Variants in MALRD1 observed in about 807,000 individuals in gnomAD.
MALRD1 encodes MAM and LDL receptor class A domain containing 1, also known as MAM and LDL-receptor class A domain-containing protein 1.
A neutral mutation model predicts 242.1 loss-of-function variants in MALRD1; 247 were observed. The ratio of observed to expected loss-of-function variants is 1.02; its 90% confidence interval spans 0.92 to 1.13. The LOEUF is 1.13. Ranked by LOEUF, MALRD1 falls within the 50% of genes most tolerant of loss-of-function variation. The probability of loss-of-function intolerance (pLI) is 0.00; values close to 1 mark genes in which losing one functional copy is unlikely to be tolerated. For synonymous variants in MALRD1, 995 were observed against 866.6 expected, an observed-to-expected ratio of 1.15 and a Z score of -2.60; for missense variants, 2,989 against 2,533.1, an observed-to-expected ratio of 1.18 and a Z score of -3.86.
chr10:19,683,590 C>T (rs1041276602), intron 36 of MALRD1, among the ~76,000 whole-genome samples: 26 of 152,148 alleles, frequency 1.7e-4, no homozygotes, highest in African/African-American at 6.0e-4. Context: ...TCCAGCATCA[C>T]AGCTGCCTGT....
chr10:19,321,196 T>C (rs1358769999), intron 21 of MALRD1, among the ~76,000 whole-genome samples: 1 of 152,160 alleles, frequency 6.6e-6, no homozygotes, highest in African/African-American at 2.4e-5. Flanking sequence ...GCACCTCTGT[T>C]CTTCTCATGA....
At chr10:19,480,380 A>G in intron 29 of MALRD1, among the ~76,000 whole-genome samples, 1 of 152,154 alleles carries the variant, frequency 6.6e-6, no homozygotes, top group East Asian at 1.9e-4. Flanking sequence ...TACCAAGGAA[A>G]ATGAGTTGGA....
chr10:19,676,857 C>T (rs1260928129), intron 36 of MALRD1, among the ~76,000 whole-genome samples: 1 of 152,118 alleles, frequency 6.6e-6, no homozygotes, highest in African/African-American at 2.4e-5. Flanking sequence ...TGTTGTTCCC[C>T]TCCCTGAGTT....
intron 4 of MALRD1, among the ~76,000 whole-genome samples, chr10:19,096,652 G>A (rs370918499): frequency 6.6e-6 from 1 of 152,158 alleles, no homozygotes; most frequent in Non-Finnish European, 1.5e-5. Context: ...AAAAGATTTT[G>A]TGAGGGGCTT....
At chr10:19,514,443 G>T (rs1833540841) in intron 31 of MALRD1, among the ~76,000 whole-genome samples, 1 of 152,006 alleles carries the variant, frequency 6.6e-6, no homozygotes, top group Non-Finnish European at 1.5e-5. Context: ...AAATTCTTTT[G>T]AGATATTTCT....
intron 36 of MALRD1, among the ~76,000 whole-genome samples, chr10:19,657,589 A>C (rs557221582): frequency 1.7e-4 from 26 of 152,234 alleles, no homozygotes; most frequent in Admixed American, 3.3e-4. Context: ...TTAGGCATAT[A>C]TATAATGGGA....
intron 18 of MALRD1, among the ~76,000 whole-genome samples, chr10:19,235,903 A>G (rs193093443): frequency 1.2e-4 from 18 of 152,224 alleles, no homozygotes; most frequent in African/African-American, 4.1e-4. Context: ...TCGAAGTGGA[A>G]ATAACAGTCT....
chr10:19,598,540 C>T (rs1401283945), intron 34 of MALRD1: 1 of 150,604 alleles, frequency 6.6e-6, no homozygotes, highest in Non-Finnish European at 1.5e-5. Flanking sequence ...TGTGCCATTG[C>T]TTGAGCTAGG....
At chr10:19,052,353 G>C (rs182697965) in intron 1 of MALRD1, among the ~76,000 whole-genome samples, 69 of 152,240 alleles carry the variant, frequency 4.5e-4, no homozygotes, top group African/African-American at 1.6e-3. Context: ...TACTGTAAAT[G>C]TTACTTTTTT....
chr10:19,695,826 A>G (rs1168042987), intron 38 of MALRD1, among the ~76,000 whole-genome samples: 1 of 152,128 alleles, frequency 6.6e-6, no homozygotes, highest in African/African-American at 2.4e-5. Flanking sequence ...GCCCGGCGCC[A>G]AAGGCATGTC....
At chr10:19,476,799 T>G (rs909372501) in intron 29 of MALRD1, among the ~76,000 whole-genome samples, 2 of 152,216 alleles carry the variant, frequency 1.3e-5, no homozygotes, top group African/African-American at 4.8e-5. Context: ...TCATATGACA[T>G]GTTCTCACAC....
chr10:19,200,561 A>G (rs1480651378), intron 14 of MALRD1, among the ~76,000 whole-genome samples: 1 of 151,118 alleles, frequency 6.6e-6, no homozygotes, highest in East Asian at 2.0e-4. Flanking sequence ...ATCATACTGA[A>G]CCATCAGAGA....
chr10:19,127,440 A>G (rs566891692), intron 7 of MALRD1, among the ~76,000 whole-genome samples: 1 of 152,274 alleles, frequency 6.6e-6, no homozygotes, highest in Non-Finnish European at 1.5e-5. Flanking sequence ...ATTTGCTCTC[A>G]TGTTCTTGTT....
At chr10:19,294,476 A>T (rs888648583) in intron 21 of MALRD1, among the ~76,000 whole-genome samples, 19 of 152,200 alleles carry the variant, frequency 1.2e-4, no homozygotes, top group African/African-American at 4.6e-4. Context: ...AAAGATTCAT[A>T]GATTGTATTG....
chr10:19,424,819 T>C (rs979608181), intron 28 of MALRD1, among the ~76,000 whole-genome samples: 2 of 152,110 alleles, frequency 1.3e-5, no homozygotes, highest in Non-Finnish European at 2.9e-5. Context: ...CTGAATTTGC[T>C]TGGGAGCAGA....
At chr10:19,589,763 A>T (rs1837663446) in intron 33 of MALRD1, among the ~76,000 whole-genome samples, 1 of 152,116 alleles carries the variant, frequency 6.6e-6, no homozygotes, top group Admixed American at 6.5e-5. Context: ...GTGCCCATCT[A>T]CATTTCTTTT....
At chr10:19,611,778 T>C (rs1173390395) in intron 35 of MALRD1, among the ~76,000 whole-genome samples, 1 of 152,058 alleles carries the variant, frequency 6.6e-6, no homozygotes, top group African/African-American at 2.4e-5. Context: ...TTGTGCCGTG[T>C]CTTTCTGTAT....
At chr10:19,597,071 G>A (rs1409740) in intron 34 of MALRD1, among the ~76,000 whole-genome samples, 13 of 152,108 alleles carry the variant, frequency 8.5e-5, no homozygotes, top group East Asian at 1.9e-4. Context: ...TTCCTGGTTC[G>A]GGCTGACAAA....
chr10:19,215,636 T>A (rs954708113), intron 18 of MALRD1, among the ~76,000 whole-genome samples: 1 of 152,180 alleles, frequency 6.6e-6, no homozygotes, highest in South Asian at 2.1e-4. Context: ...AGAATTTACA[T>A]TGCTCTGCTA....
Sources: gnomAD v4.1 joint callset for allele counts (sites outside exome capture counted in the v4.1 genomes callset) on GRCh38, gnomAD v4.1.1 for gene constraint, MANE v1.5 for transcripts, NCBI Gene and HGNC (gene_info 2026-07-23, HGNC 2026-07-21) for gene names.